The following TRIM2 variants were observed in gnomAD, a reference collection of about 807,000 sequenced individuals.
TRIM2 encodes the protein tripartite motif-containing protein 2.
A neutral mutation model predicts 75.2 loss-of-function variants in TRIM2; 20 were observed. That is an observed-to-expected ratio of 0.27 (90% confidence interval 0.19 to 0.39). TRIM2 has a LOEUF of 0.39. TRIM2 is among the 10% of genes least tolerant of loss of function. The probability of loss-of-function intolerance (pLI) is 1.00; values close to 1 mark genes in which losing one functional copy is unlikely to be tolerated. For synonymous variants in TRIM2, 373 were observed against 388.3 expected, an observed-to-expected ratio of 0.96 and a Z score of 0.46; for missense variants, 660 against 990.8, an observed-to-expected ratio of 0.67 and a Z score of 4.48.
intron 3 of TRIM2, among the ~76,000 whole-genome samples, chr4:153,287,368 A>G (rs974899753): frequency 6.6e-6 from 1 of 152,238 alleles, no homozygotes; most frequent in Non-Finnish European, 1.5e-5. Context: ...TTTCAATCCA[A>G]TCTGCCAGTA....
chr4:153,239,275 G>T lies in TRIM2; in HGVS notation c.31-31060G>T, dbSNP rs528551335. On this transcript the variant is annotated intron_variant, in intron 1 of 11. Coordinates refer to ENST00000338700, the MANE Select transcript of TRIM2 (RefSeq NM_015271.5). ...GCTGAGGCAGGAGAATGGCGTGAACGCGGGAGGCAGAGCTTGCAGTGAGCC... is the reference window on the plus strand; with the variant it reads ...GCTGAGGCAGGAGAATGGCGTGAACTCGGGAGGCAGAGCTTGCAGTGAGCC... 4.8e-3 allele frequency among the ~76,000 whole-genome samples: 732 copies of T among 151,432 alleles called. 2 individuals carry two copies. The highest frequency in any genetic ancestry group is 8.2e-3 in the Non-Finnish European group (554 of 67,884).
chr4:153,200,797 C>CTT (rs202158649), upstream of TRIM2, among the ~76,000 whole-genome samples: 1 of 126,474 alleles, frequency 7.9e-6, no homozygotes, highest in Admixed American at 8.1e-5. Context: ...GGTTTTTTTT[C>CTT]TTTTTTTTTT....
At chr4:153,223,262 G>A (rs1401915625) in intron 1 of TRIM2, among the ~76,000 whole-genome samples, 1 of 152,176 alleles carries the variant, frequency 6.6e-6, no homozygotes, top group Non-Finnish European at 1.5e-5. Flanking sequence ...GGCCCTGCCC[G>A]CGGAGCTCTC....
At position 153,335,193 on chromosome 4, in the gene TRIM2, C is replaced by G; in HGVS notation, c.*227C>G. On this transcript the variant is annotated 3_prime_UTR_variant, in exon 12 of 12. Transcript: ENST00000338700. ...TCTTCTACTGAATCTATAAAAACTG[C>G]AGTTTTACATCTGTGAACTATGGCT... is the stretch of plus-strand genomic sequence containing the variant. 8.2e-7 allele frequency: 1 copy of G among 1,224,032 alleles called. No homozygotes were observed. Among genetic ancestry groups the G allele is most frequent in the South Asian group, 3.3e-5 (1 of 30,000 alleles). 75.8% of individuals were successfully genotyped at this position (1,224,032 alleles called of 1,614,324 possible). A position where few individuals can be genotyped will look rare whatever the true frequency, so the allele number is the denominator to read the frequency against.
At position 153,324,154 on chromosome 4, in the gene TRIM2, A is replaced by G; in HGVS notation, c.2022+6A>G. The G allele has an allele frequency of 6.2e-7, 1 of 1,609,380 alleles. No homozygotes were observed. Among genetic ancestry groups the G allele is most frequent in the Non-Finnish European group, 8.5e-7 (1 of 1,178,294 alleles). Reference sequence around the variant, plus strand: ...TCCATAATCATTCTGTCAAGGTACTACAAGCACATGAGTTGTTGTTAACTT... The same window carrying G: ...TCCATAATCATTCTGTCAAGGTACTGCAAGCACATGAGTTGTTGTTAACTT... On this transcript the variant is annotated splice_donor_region_variant and intron_variant, in intron 10 of 11. Transcript: ENST00000338700.
intron 1 of TRIM2, among the ~76,000 whole-genome samples, chr4:153,218,351 G>A (rs1739047757): frequency 6.6e-6 from 1 of 152,056 alleles, no homozygotes; most frequent in African/African-American, 2.4e-5. Flanking sequence ...GGGACTACAG[G>A]CATGCACCAC....
At chr4:153,193,932 C>T (rs1733496166) in intron 1 of TRIM2, among the ~76,000 whole-genome samples, 1 of 152,108 alleles carries the variant, frequency 6.6e-6, no homozygotes, top group African/African-American at 2.4e-5. Flanking sequence ...CAGGTGAGAA[C>T]AGGGATGCGG....
intron 3 of TRIM2, among the ~76,000 whole-genome samples, chr4:153,285,754 T>TGTGCGC (rs200044131): frequency 7.9e-6 from 1 of 125,916 alleles, no homozygotes; most frequent in African/African-American, 3.4e-5. Context: ...TGTGTGAATG[T>TGTGCGC]GTGTGCGTGT....
At chr4:153,171,381 T>C (rs1014253469) in intron 1 of TRIM2, among the ~76,000 whole-genome samples, 1 of 151,810 alleles carries the variant, frequency 6.6e-6, no homozygotes, top group Non-Finnish European at 1.5e-5. Flanking sequence ...AGGTTGGGAG[T>C]TCCAGACCAG....
chr4:153,248,077 C>T lies in TRIM2; in HGVS notation c.31-22258C>T, dbSNP rs62323710. ...GTGACACAGTCTCTGCTCACTGGCG[C>T]GTCCGCCTCTGGGATTCAAGCGATT... On this transcript the variant is annotated intron_variant, in intron 1 of 11. Transcript: ENST00000338700. The surrounding 1 kb of genome is among the most constrained non-coding windows in gnomAD (Gnocchi z 4.0). 0.013 allele frequency among the ~76,000 whole-genome samples: 1,914 copies of T among 150,494 alleles called. 18 individuals carry two copies. Among genetic ancestry groups the T allele is most frequent in the Admixed American group, 0.02 (309 of 15,102 alleles).
intron 8 of TRIM2, among the ~76,000 whole-genome samples, chr4:153,319,436 T>A (rs1341933507): frequency 6.6e-6 from 1 of 152,072 alleles, no homozygotes; most frequent in African/African-American, 2.4e-5. Flanking sequence ...AGGGTTAAAA[T>A]ATTTTTGCTG....
At chr4:153,299,343 G>A (rs959321820) in intron 6 of TRIM2, among the ~76,000 whole-genome samples, 1 of 151,818 alleles carries the variant, frequency 6.6e-6, no homozygotes, top group African/African-American at 2.4e-5. Flanking sequence ...GTATTCCATT[G>A]TGTGTGTATG....
At position 153,288,088 on chromosome 4, in the gene TRIM2, A is replaced by G. The variant is rs114807571; in HGVS notation, c.454-4894A>G. 5.3e-3 allele frequency among the ~76,000 whole-genome samples: 811 copies of G among 152,182 alleles called. 7 individuals carry two copies. The highest frequency in any genetic ancestry group is 0.017 in the African/African-American group (705 of 41,504). On this transcript the variant is annotated intron_variant, in intron 3 of 11. Transcript: ENST00000338700. Reference sequence around the variant, plus strand: ...GTTTATTTTTTTTTCAGCAGTTTGAATATATTACCCCATTGATTTCTGGCC... The same window carrying G: ...GTTTATTTTTTTTTCAGCAGTTTGAGTATATTACCCCATTGATTTCTGGCC...
At chr4:153,269,792 G>A (rs1029760090) in intron 1 of TRIM2, among the ~76,000 whole-genome samples, 2 of 152,132 alleles carry the variant, frequency 1.3e-5, no homozygotes, top group African/African-American at 2.4e-5. Flanking sequence ...TTTGCCTGGC[G>A]AACATGTGAG....
intron 10 of TRIM2, among the ~76,000 whole-genome samples, chr4:153,326,075 A>G (rs1244138340): frequency 2.0e-5 from 3 of 152,222 alleles, no homozygotes; most frequent in African/African-American, 7.2e-5. Context: ...GAATTTTGAA[A>G]TCAGGAAAGG....
intron 8 of TRIM2, among the ~76,000 whole-genome samples, chr4:153,317,028 C>A (rs1767791284): frequency 6.6e-6 from 1 of 151,428 alleles, no homozygotes; most frequent in Non-Finnish European, 1.5e-5. Context: ...CTACAGGTGC[C>A]CGCCACCACG....
At chr4:153,167,636 T>C (rs1210476473) in intron 1 of TRIM2, among the ~76,000 whole-genome samples, 1 of 152,250 alleles carries the variant, frequency 6.6e-6, no homozygotes, top group African/African-American at 2.4e-5. Context: ...GCATGGGATC[T>C]TTCTCAGCTC....
chr4:153,162,946 C>A (rs1241094528), intron 1 of TRIM2, among the ~76,000 whole-genome samples: 1 of 152,108 alleles, frequency 6.6e-6, no homozygotes, highest in Non-Finnish European at 1.5e-5. Context: ...CTCTCCAGAA[C>A]TGAGGGTGAA....
intron 1 of TRIM2, among the ~76,000 whole-genome samples, chr4:153,236,742 A>T (rs925438665): frequency 1.3e-5 from 2 of 150,072 alleles, no homozygotes; most frequent in African/African-American, 4.9e-5. Flanking sequence ...CCTTGGCTGG[A>T]GTGCAGTGGT....
Sources: gnomAD v4.1 joint callset for allele counts (sites outside exome capture counted in the v4.1 genomes callset) on GRCh38, gnomAD v4.1.1 for gene constraint, Gnocchi (gnomAD v3.1) non-coding constraint, MANE v1.5 for transcripts, NCBI Gene and HGNC (gene_info 2026-07-23, HGNC 2026-07-21) for gene names.